The following KLHDC4 variants were observed in gnomAD, a reference collection of about 807,000 sequenced individuals.
KLHDC4 encodes kelch domain containing 4, also known as kelch domain-containing protein 4.
KLHDC4 carries 90 observed loss-of-function variants against 62.4 expected under a neutral mutation model. The observed-to-expected ratio is 1.44, with a 90% CI of 1.22 to 1.72. KLHDC4 has a LOEUF of 1.72. KLHDC4 is among the 40% of genes most tolerant of loss of function. The pLI is 0.00. For missense variants in KLHDC4, 1,025 were observed against 699.7 expected (o/e 1.47, Z -5.25); for synonymous variants, 386 against 284.4 (o/e 1.36, Z -3.59).
downstream of KLHDC4, among the ~76,000 whole-genome samples, chr16:87,705,915 A>C (rs985343417): frequency 6.6e-6 from 1 of 152,254 alleles, no homozygotes; most frequent in African/African-American, 2.4e-5. Context: ...ACTCAGACAA[A>C]GTGCCCAGAC....
intron 5 of KLHDC4, among the ~76,000 whole-genome samples, chr16:87,742,280 T>C (rs1056208888): frequency 6.6e-6 from 1 of 152,088 alleles, no homozygotes; most frequent in Non-Finnish European, 1.5e-5. Context: ...CATCCCCAGC[T>C]ACACTAGCCC....
chr16:87,739,304 C>A (rs1312399544), intron 5 of KLHDC4, among the ~76,000 whole-genome samples: 4 of 135,062 alleles, frequency 3.0e-5, no homozygotes, highest in South Asian at 2.7e-4. Context: ...CATCCACACA[C>A]CAGCACCTCA....
At chr16:87,726,955 C>A in intron 6 of KLHDC4, 31 bp from the exon 7 acceptor site, 1 of 1,609,264 alleles carries the variant, frequency 6.2e-7, no homozygotes, top group Admixed American at 1.7e-5. Context: ...TGTCAGGGTC[C>A]GTAACATTGG....
chr16:87,759,002 C>G (rs919363560), intron 2 of KLHDC4, among the ~76,000 whole-genome samples: 1 of 151,892 alleles, frequency 6.6e-6, no homozygotes, highest in Non-Finnish European at 1.5e-5. Flanking sequence ...ATGAGGAAAC[C>G]CCATCTCTAC....
At chr16:87,703,990 G>A (rs546231468), downstream of KLHDC4, among the ~76,000 whole-genome samples, 2 of 152,356 alleles carry the variant, frequency 1.3e-5, no homozygotes, top group East Asian at 3.9e-4. Context: ...GGAGAGCAGC[G>A]GTCACTAGCA....
chr16:87,727,587 C>G (rs1178122506), intron 6 of KLHDC4, among the ~76,000 whole-genome samples: 3 of 152,214 alleles, frequency 2.0e-5, no homozygotes, highest in Non-Finnish European at 4.4e-5. Context: ...GCCTGCCGGA[C>G]CCAGCACGCA....
intron 7 of KLHDC4, among the ~76,000 whole-genome samples, chr16:87,725,048 G>A (rs2039097017): frequency 1.3e-5 from 2 of 152,052 alleles, no homozygotes; most frequent in African/African-American, 2.4e-5. Flanking sequence ...CATGCAACAC[G>A]TGGGTCTGAA....
intron 7 of KLHDC4, among the ~76,000 whole-genome samples, chr16:87,720,497 G>A (rs934724584): frequency 6.6e-6 from 1 of 152,218 alleles, no homozygotes; most frequent in Non-Finnish European, 1.5e-5. Flanking sequence ...CACGCACCGT[G>A]CCCTCCTCAC....
intron 6 of KLHDC4, among the ~76,000 whole-genome samples, 198 bp from the exon 7 acceptor site, chr16:87,727,122 C>G (rs2039505772): frequency 6.6e-6 from 1 of 152,172 alleles, no homozygotes; most frequent in African/African-American, 2.4e-5. Context: ...GCCAGAGACG[C>G]CAGTCAGGTC....
rs111210112 is a variant in KLHDC4, at chr16:87,739,331, C to T, written c.507-8687G>A. On this transcript the variant is annotated intron_variant, in intron 5 of 11. Transcript: ENST00000270583. ...AGCACCTCATCCATCCACACAACAG[C>T]ATCTCATCCATCCACACACCAGCAT... is the stretch of plus-strand genomic sequence containing the variant. Among the ~76,000 whole-genome samples the T allele has an allele frequency of 2.7e-3, 358 of 132,540 alleles. 7 individuals carry two copies. The highest frequency in any genetic ancestry group is 9.9e-3 in the African/African-American group (347 of 34,914). 87.0% of individuals were successfully genotyped at this position (132,540 alleles called of 152,430 possible). A position where few individuals can be genotyped will look rare whatever the true frequency, so the allele number is the denominator to read the frequency against.
intron 5 of KLHDC4, among the ~76,000 whole-genome samples, chr16:87,731,631 C>A (rs554782473): frequency 1.3e-5 from 2 of 151,482 alleles, no homozygotes; most frequent in Non-Finnish European, 2.9e-5. Flanking sequence ...GGAGCCATGG[C>A]ACCGGTGAAA....
chr16:87,716,984 C>A (rs928752851), intron 7 of KLHDC4, among the ~76,000 whole-genome samples: 3 of 151,942 alleles, frequency 2.0e-5, no homozygotes, highest in African/African-American at 7.3e-5. Flanking sequence ...GTAATCCCAG[C>A]ACTTTGAGAG....
At chr16:87,738,330 T>C (rs2041691450) in intron 5 of KLHDC4, among the ~76,000 whole-genome samples, 1 of 151,660 alleles carries the variant, frequency 6.6e-6, no homozygotes, top group East Asian at 1.9e-4. Context: ...GAGAAAACAG[T>C]GCGTATGCCT....
At chr16:87,719,256 G>T (rs1384848297) in intron 7 of KLHDC4, among the ~76,000 whole-genome samples, 1 of 152,242 alleles carries the variant, frequency 6.6e-6, no homozygotes, top group Non-Finnish European at 1.5e-5. Context: ...AAGAAAGAGA[G>T]ATCAGATTGT....
intron 5 of KLHDC4, among the ~76,000 whole-genome samples, chr16:87,745,694 G>A (rs2042936029): frequency 1.3e-5 from 2 of 152,226 alleles, no homozygotes; most frequent in African/African-American, 4.8e-5. Context: ...TTGGGGCAGG[G>A]TGGGAGAGGG....
intron 4 of KLHDC4, among the ~76,000 whole-genome samples, chr16:87,752,730 G>C (rs926459788): frequency 6.6e-6 from 1 of 152,132 alleles, no homozygotes; most frequent in African/African-American, 2.4e-5. Context: ...AGGCTGATCA[G>C]CAGTCTAAGA....
exon 1 of KLHDC4, chr16:87,700,849 A>ACGTTGGAG: frequency 1.1e-5 from 2 of 177,210 alleles, no homozygotes; most frequent in Middle Eastern, 2.4e-3. Flanking sequence ...CGGAGGGAGG[A>ACGTTGGAG]GGTTGGAGGG....
At chr16:87,747,860 T>C (rs563823906) in intron 5 of KLHDC4, among the ~76,000 whole-genome samples, 4 of 152,352 alleles carry the variant, frequency 2.6e-5, no homozygotes, top group African/African-American at 9.6e-5. Flanking sequence ...GCCCTCCGGC[T>C]GAAGCCCCAG....
chr16:87,723,841 T>C (rs907044004), intron 7 of KLHDC4, among the ~76,000 whole-genome samples: 16 of 152,340 alleles, frequency 1.1e-4, no homozygotes, highest in Middle Eastern at 3.4e-3. Flanking sequence ...AAGCCTTTTC[T>C]TTTTTCTTTT....
Sources: allele counts gnomAD v4.1 joint callset (sites outside exome capture counted in the v4.1 genomes callset), GRCh38; gene constraint gnomAD v4.1.1; transcripts MANE v1.5; gene names NCBI Gene and HGNC (gene_info 2026-07-23, HGNC 2026-07-21).